Variants in ARID5B observed in about 807,000 individuals in gnomAD.
The protein encoded by ARID5B is AT-rich interactive domain-containing protein 5B.
A neutral mutation model predicts 97.2 loss-of-function variants in ARID5B; 13 were observed. That is an observed-to-expected ratio of 0.13 (90% CI 0.09 to 0.21). The LOEUF is 0.21. Among genes scored for constraint, ARID5B ranks in the 10% least tolerant of loss-of-function variants. The pLI, the probability that ARID5B is intolerant of heterozygous loss-of-function variation, is 1.00. For missense variants in ARID5B, 1,210 were observed against 1,465.3 expected, an observed-to-expected ratio of 0.83 and a Z score of 2.84; for synonymous variants, 556 against 570.3, an observed-to-expected ratio of 0.97 and a Z score of 0.36.
intron 3 of ARID5B, among the ~76,000 whole-genome samples, chr10:61,942,672 A>C (rs1002596024): frequency 3.9e-5 from 6 of 152,134 alleles, no homozygotes; most frequent in African/African-American, 1.4e-4. Context: ...GGGGCCTGTA[A>C]TCTCAGCTAC....
intron 3 of ARID5B, among the ~76,000 whole-genome samples, chr10:61,961,613 G>A (rs1001091067): frequency 4.6e-5 from 7 of 152,236 alleles, no homozygotes; most frequent in Non-Finnish European, 8.8e-5. Context: ...ACCAGAGGAT[G>A]AAATGCTGTA....
At chr10:61,901,881 T>C in intron 1 of ARID5B, 151 bp downstream of exon 1, 1 of 735,470 alleles carries the variant, frequency 1.4e-6, no homozygotes. Flanking sequence ...TTTTTATTGT[T>C]TAAAAAAATC....
At chr10:62,006,114 G>A (rs1402726982) in intron 4 of ARID5B, among the ~76,000 whole-genome samples, 2 of 152,126 alleles carry the variant, frequency 1.3e-5, no homozygotes, top group Non-Finnish European at 2.9e-5. Flanking sequence ...CTTTGTTTTG[G>A]AAATTTTCTA....
At chr10:62,005,061 A>G (rs1839128836) in intron 4 of ARID5B, among the ~76,000 whole-genome samples, 1 of 152,206 alleles carries the variant, frequency 6.6e-6, no homozygotes, top group Non-Finnish European at 1.5e-5. Flanking sequence ...TCTTTTGGCA[A>G]TTGGGATGTG....
In ARID5B at chr10:62,006,455, AAAC is replaced by A. The variant is rs893056869; in HGVS notation, c.733+6146_733+6148del. On this transcript the variant is annotated intron_variant, in intron 4 of 9. Transcript: ENST00000279873. ...AAAACTCCGTTTCAAACAAACAAACAAACAACAACAACAAAATAATGGTCTAAC... is the reference window on the plus strand; with the variant it reads ...AAAACTCCGTTTCAAACAAACAAACAAACAACAACAAAATAATGGTCTAAC... 4.6e-5 allele frequency among the ~76,000 whole-genome samples: 7 copies of A among 152,142 alleles called. No individual in the cohort carries two copies. In the South Asian group the frequency reaches 6.2e-4, roughly 14 times the overall value.
intron 3 of ARID5B, among the ~76,000 whole-genome samples, chr10:61,995,750 A>G (rs1405312599): frequency 1.3e-5 from 2 of 152,160 alleles, no homozygotes; most frequent in African/African-American, 2.4e-5. Context: ...TGGCTTTTCC[A>G]GGTCCCACTT....
At position 61,902,398 on chromosome 10, in the gene ARID5B, T is replaced by C. The variant is rs1485824766; in HGVS notation, c.261T>C (p.Asn87=). Residue 87 remains asparagine (N), a synonymous_variant, in exon 2 of 10, where the codon AAT becomes AAC. Coordinates refer to ENST00000279873, the MANE Select transcript of ARID5B (RefSeq NM_032199.3). ...CAGAAGACACTCCCCAGGGCAGAAA[T>C]AGCGACCATGGCGAGGTGGTAAACC... ...FLPEDTPQGR[N]SDHGEDEVIA... The C allele has an allele frequency of 1.9e-6, 3 of 1,614,036 alleles. No homozygotes were observed. The highest frequency in any genetic ancestry group is 1.7e-5 in the Admixed American group (1 of 60,026).
intron 9 of ARID5B, among the ~76,000 whole-genome samples, chr10:62,087,481 G>A (rs901484197): frequency 1.9e-4 from 29 of 151,036 alleles, no homozygotes; most frequent in South Asian, 2.1e-4. Flanking sequence ...AGTCATGTAG[G>A]CTGATCTGGG....
intron 4 of ARID5B, among the ~76,000 whole-genome samples, chr10:62,011,546 G>T (rs976767377): frequency 1.3e-5 from 2 of 152,178 alleles, no homozygotes; most frequent in African/African-American, 2.4e-5. Flanking sequence ...GAGCTGAGGA[G>T]GTGGCCTCAG....
intron 2 of ARID5B, among the ~76,000 whole-genome samples, chr10:61,935,433 G>A (rs946806433): frequency 5.9e-5 from 9 of 151,966 alleles, no homozygotes; most frequent in African/African-American, 2.2e-4. Flanking sequence ...GGATCTCAAA[G>A]GCATTATTCT....
At chr10:62,030,509 A>C (rs1406730585) in intron 4 of ARID5B, among the ~76,000 whole-genome samples, 3 of 152,244 alleles carry the variant, frequency 2.0e-5, no homozygotes, top group Admixed American at 6.5e-5. Context: ...AGTTAGCCTA[A>C]GAGTGAGGAT....
rs138802610 is a variant in ARID5B at position 62,061,568 on chromosome 10, G to A, written c.1101+2273G>A. Among the ~76,000 whole-genome samples, 650 of 152,288 alleles carry A rather than the reference G, an allele frequency of 4.3e-3. 7 individuals are homozygous for A. Among genetic ancestry groups the A allele is most frequent in the African/African-American group, 0.015 (624 of 41,552 alleles). On this transcript the variant is annotated intron_variant, in intron 7 of 9. Transcript: ENST00000279873. ...CAGATGCTAGGCCCTTTCATGCTGA[G>A]CCTCCAGATGCTATGCCCTCCCATG...
chr10:62,057,618 C>T (rs985799716), intron 6 of ARID5B, among the ~76,000 whole-genome samples: 23 of 152,152 alleles, frequency 1.5e-4, no homozygotes, highest in African/African-American at 4.8e-5. Flanking sequence ...GTGTCTGTGA[C>T]GCCTTTCTTG....
At chr10:61,946,656 C>T (rs1420650737) in intron 3 of ARID5B, among the ~76,000 whole-genome samples, 1 of 152,190 alleles carries the variant, frequency 6.6e-6, no homozygotes, top group Non-Finnish European at 1.5e-5. Flanking sequence ...GGCGCAGTGG[C>T]TCACACCTGT....
chr10:62,021,245 C>T (rs1470103793), intron 4 of ARID5B, among the ~76,000 whole-genome samples: 2 of 151,966 alleles, frequency 1.3e-5, no homozygotes, highest in Non-Finnish European at 2.9e-5. Context: ...GCTGCACATG[C>T]TATACCATTT....
intron 3 of ARID5B, among the ~76,000 whole-genome samples, chr10:61,970,404 G>A (rs75333087): frequency 6.6e-6 from 1 of 152,124 alleles, no homozygotes; most frequent in Non-Finnish European, 1.5e-5. Flanking sequence ...GTTAAAACAA[G>A]GTTGACTAAA....
intron 1 of ARID5B, among the ~76,000 whole-genome samples, 194 bp downstream of exon 1, chr10:61,901,924 T>TA (rs1843621776): frequency 6.6e-6 from 1 of 151,868 alleles, no homozygotes; most frequent in Admixed American, 6.6e-5. Context: ...AATGTAATTT[T>TA]ACCGCCTCAA....
chr10:62,054,959 G>A (rs77351877), intron 5 of ARID5B, among the ~76,000 whole-genome samples: 1 of 152,126 alleles, frequency 6.6e-6, no homozygotes, highest in Non-Finnish European at 1.5e-5. Context: ...GGAACATGAA[G>A]GTAGAGTATG....
chr10:61,974,125 T>G (rs1838667912), intron 3 of ARID5B, among the ~76,000 whole-genome samples: 1 of 152,202 alleles, frequency 6.6e-6, no homozygotes, highest in Non-Finnish European at 1.5e-5. Flanking sequence ...TGCACATGCT[T>G]GGTGACAGCA....
Sources: gnomAD v4.1 joint callset for allele counts (sites outside exome capture counted in the v4.1 genomes callset) on GRCh38, gnomAD v4.1.1 for gene constraint, MANE v1.5 for transcripts, NCBI Gene and HGNC (gene_info 2026-07-23, HGNC 2026-07-21) for gene names.